Variants in FOCAD observed in about 807,000 individuals in gnomAD.
The protein encoded by FOCAD is focadhesin.
Under a neutral mutation model 225.6 loss-of-function variants are expected in FOCAD, and 198 were observed. That is an observed-to-expected ratio of 0.88 (90% confidence interval 0.78 to 0.99). The LOEUF is 0.99. FOCAD is among the 50% of genes least tolerant of loss of function. FOCAD has a pLI of 0.00. For synonymous variants in FOCAD, 897 were observed against 755.0 expected (o/e 1.19, Z -3.08); for missense variants, 2,713 against 2,123.6 (o/e 1.28, Z -5.46).
intron 8 of FOCAD, among the ~76,000 whole-genome samples, chr9:20,772,866 A>T (rs762379442): frequency 5.2e-4 from 79 of 151,982 alleles, no homozygotes; most frequent in Non-Finnish European, 7.2e-4. Context: ...GTTTTCTATT[A>T]TACAGTTACA....
chr9:20,917,669 T>C (rs533019651), intron 24 of FOCAD, among the ~76,000 whole-genome samples: 5 of 152,098 alleles, frequency 3.3e-5, no homozygotes, highest in African/African-American at 1.2e-4. Flanking sequence ...CCAACACAGA[T>C]ATACCTTTGA....
chr9:20,690,871 G>C (rs1220730273), intron 1 of FOCAD, among the ~76,000 whole-genome samples: 1 of 150,250 alleles, frequency 6.7e-6, no homozygotes, highest in Admixed American at 6.6e-5. Flanking sequence ...CTAAAGGTCT[G>C]TTCCAAATTT....
chr9:20,991,131 A>G (rs1257549018), intron 42 of FOCAD, among the ~76,000 whole-genome samples: 2 of 152,206 alleles, frequency 1.3e-5, no homozygotes, highest in Non-Finnish European at 2.9e-5. Flanking sequence ...TTGAATTGTT[A>G]AAACATATGA....
intron 5 of FOCAD, among the ~76,000 whole-genome samples, chr9:20,742,478 A>G (rs1167812525): frequency 6.6e-6 from 1 of 152,226 alleles, no homozygotes; most frequent in Non-Finnish European, 1.5e-5. Context: ...TGAGTAGCAG[A>G]GCTACCGCCG....
At chr9:20,943,373 C>G (rs1346948950) in intron 28 of FOCAD, among the ~76,000 whole-genome samples, 2 of 152,136 alleles carry the variant, frequency 1.3e-5, no homozygotes, top group African/African-American at 2.4e-5. Flanking sequence ...ACGGTGCCTT[C>G]TCATACGTAT....
chr9:20,954,905 A>G (rs1837997967), intron 35 of FOCAD, among the ~76,000 whole-genome samples: 2 of 152,342 alleles, frequency 1.3e-5, no homozygotes, highest in Non-Finnish European at 2.9e-5. Flanking sequence ...TACAAAAACA[A>G]AACCAGACCC....
intron 37 of FOCAD, among the ~76,000 whole-genome samples, chr9:20,980,639 C>A (rs555300782): frequency 6.6e-6 from 1 of 152,158 alleles, no homozygotes; most frequent in Non-Finnish European, 1.5e-5. Context: ...GTTCCTCTGT[C>A]CCTCCCCTAT....
intron 10 of FOCAD, among the ~76,000 whole-genome samples, chr9:20,782,609 A>G (rs1469093192): frequency 1.3e-5 from 2 of 152,114 alleles, no homozygotes; most frequent in Non-Finnish European, 2.9e-5. Context: ...TTGTTTTGAT[A>G]TTTGAGTTTT....
intron 16 of FOCAD, chr9:20,863,208 A>C (rs929665482): frequency 2.0e-5 from 3 of 151,800 alleles, no homozygotes; most frequent in African/African-American, 7.3e-5. Context: ...AGTGAAATGC[A>C]TGAGAGGGTA....
At chr9:20,914,858 AT>A (rs1833744183) in intron 23 of FOCAD, among the ~76,000 whole-genome samples, 1 of 152,216 alleles carries the variant, frequency 6.6e-6, no homozygotes, top group Non-Finnish European at 1.5e-5. Flanking sequence ...CGTTGCAATA[AT>A]TTAGGCAAGA....
rs779467991 is a variant in FOCAD, at chr9:20,781,792, C to G, written c.1060C>G (p.Pro354Ala). 6.2e-7 allele frequency: 1 copy of G among 1,614,054 alleles called. No individual in the cohort carries two copies. Among genetic ancestry groups the G allele is most frequent in the Non-Finnish European group, 8.5e-7 (1 of 1,179,990 alleles). Reference sequence around the variant, plus strand: ...AAAGTCCTCTCTGCTGCTAGTGATGCCAATTCTGCAGATACTATCTTCTAC... The same window carrying G: ...AAAGTCCTCTCTGCTGCTAGTGATGGCAATTCTGCAGATACTATCTTCTAC... ...IPKSSLLLVM[P>A]ILQILSSTAL... Residue 354 changes from proline to alanine, a missense_variant, in exon 10 of 44, where the codon CCA becomes GCA. Transcript: ENST00000338382.
intron 1 of FOCAD, among the ~76,000 whole-genome samples, chr9:20,694,728 G>C (rs927496115): frequency 7.2e-5 from 11 of 152,010 alleles, no homozygotes; most frequent in Admixed American, 1.3e-4. Context: ...TGTCAATCTT[G>C]TTTTTCTCTC....
chr9:20,682,747 G>A (rs1363572671), upstream of FOCAD, among the ~76,000 whole-genome samples: 1 of 152,122 alleles, frequency 6.6e-6, no homozygotes, highest in South Asian at 2.1e-4. Context: ...AACAGAGGTT[G>A]AATAACTTTA....
Position 20,926,377 on chromosome 9 carries a change from A to G in FOCAD, c.3038A>G (p.His1013Arg), listed in dbSNP as rs1476387936. 7 of 1,613,446 alleles carry G rather than the reference A, an allele frequency of 4.3e-6. No individual in the cohort carries two copies. Among genetic ancestry groups the G allele is most frequent in the Middle Eastern group, 3.3e-4 (2 of 6,058 alleles). ...ACACTCTTGGTCATTGTGGATAGCC[A>G]TTACCAACCCAGAGGGCAACTTCTC... ...LDTLLVIVDS[H>R]YQPRGQLLSW... Residue 1013 changes from histidine to arginine, a missense_variant, in exon 26 of 44, where the codon CAT becomes CGT. Physicochemically the swap from His to Arg is conservative, Grantham distance 29. Coordinates refer to ENST00000338382, the MANE Select transcript of FOCAD (RefSeq NM_001375567.1).
At chr9:20,741,642 C>T (rs910070691) in intron 5 of FOCAD, among the ~76,000 whole-genome samples, 1 of 140,214 alleles carries the variant, frequency 7.1e-6, no homozygotes, top group Non-Finnish European at 1.5e-5. Flanking sequence ...AACTTGAGGT[C>T]TGCAGAGTAA....
chr9:20,869,924 G>A (rs984012285), intron 18 of FOCAD, among the ~76,000 whole-genome samples: 7 of 152,102 alleles, frequency 4.6e-5, no homozygotes, highest in African/African-American at 1.7e-4. Context: ...TTGAAAGATA[G>A]ATAAGAATGA....
chr9:20,662,204 ATG>A (rs3086515), intron 2 of FOCAD, among the ~76,000 whole-genome samples: 20,357 of 150,970 alleles, frequency 0.13, 1,682 homozygotes, highest in Non-Finnish European at 0.19. Flanking sequence ...GTGTGCATAT[ATG>A]TGTGTGTGTG....
At chr9:20,874,914 A>T in intron 19 of FOCAD, 107 bp downstream of exon 19, 3 of 1,380,174 alleles carry the variant, frequency 2.2e-6, no homozygotes, top group Non-Finnish European at 3.0e-6. Flanking sequence ...TTATGTGCTT[A>T]TTTTTTAACC....
rs149557796 is a variant in FOCAD, at chr9:20,981,685, G to A, written c.4637G>A (p.Arg1546Gln). ...TTTGACCTCCTGCCAAATAAGATTC[G>A]GGTGAGGAACAAAAATATTTACATT... ...KIFDLLPNKI[R>Q]RKDLELYISI... The change falls in exon 38 of 44, where the codon CGG (arginine) becomes CAG (glutamine). Residue 1546 changes from arginine (R) to glutamine (Q), a missense_variant and splice_region_variant. By Grantham distance (43) the Arg-to-Gln change is conservative. Transcript: ENST00000338382. 1,002 of 1,602,432 alleles carry A rather than the reference G, an allele frequency of 6.3e-4. 8 individuals are homozygous for A. In the African/African-American group the frequency reaches 0.012, roughly 18 times the overall value.
Sources: gnomAD v4.1 joint callset for allele counts (sites outside exome capture counted in the v4.1 genomes callset) on GRCh38, gnomAD v4.1.1 for gene constraint, MANE v1.5 for transcripts, NCBI Gene and HGNC (gene_info 2026-07-23, HGNC 2026-07-21) for gene names.